The following RAB37 variants were observed in gnomAD, a reference collection of about 807,000 sequenced individuals.
RAB37 encodes ras-related protein Rab-37.
RAB37 carries 29 observed loss-of-function variants against 33.1 expected under a neutral mutation model. The ratio of observed to expected loss-of-function variants is 0.88; its 90% confidence interval spans 0.65 to 1.20. RAB37 has a LOEUF of 1.20. RAB37 is among the 50% of genes most tolerant of loss of function. RAB37 has a pLI of 0.00. For synonymous variants in RAB37, 128 were observed against 119.5 expected, an observed-to-expected ratio of 1.07 and a Z score of -0.47; for missense variants, 299 against 301.1, an observed-to-expected ratio of 0.99 and a Z score of 0.05.
chr17:74,688,562 A>G (rs1203194421), intron 1 of RAB37, among the ~76,000 whole-genome samples: 1 of 151,582 alleles, frequency 6.6e-6, no homozygotes, highest in Admixed American at 6.6e-5. Flanking sequence ...CAAAAAAAAA[A>G]AAAAGAAAAG....
chr17:74,740,860 C>G lies in RAB37; in HGVS notation c.186C>G (p.Thr62=), dbSNP rs146770958. The G allele has an allele frequency of 1.2e-6, 2 of 1,613,204 alleles. No homozygotes were observed. The highest frequency in any genetic ancestry group is 1.7e-6 in the Non-Finnish European group (2 of 1,179,218). The change falls in exon 2 of 9, where the codon ACC becomes ACG. Residue 62 remains threonine (T), a synonymous_variant. Transcript: ENST00000392613. Reference sequence around the variant, plus strand: ...TCCTGTCCGGAACCTTCATAGCCACCGTCGGCATAGACTTCAGGGTGAGGT... The same window carrying G: ...TCCTGTCCGGAACCTTCATAGCCACGGTCGGCATAGACTTCAGGGTGAGGT... The part of the protein sequence containing the change: ...GAFLSGTFIA[T]VGIDFRNKVV...
At chr17:74,736,536 A>G, upstream of RAB37, 3 of 1,456,830 alleles carry the variant, frequency 2.1e-6, no homozygotes, top group Non-Finnish European at 2.7e-6. Context: ...ATGGGTTAAT[A>G]AGGCCGGCCC....
At chr17:74,678,728 C>T (rs975254563) in intron 1 of RAB37, among the ~76,000 whole-genome samples, 5 of 152,128 alleles carry the variant, frequency 3.3e-5, no homozygotes, top group Admixed American at 2.0e-4. Context: ...TGCACACATA[C>T]GCACCCTTCC....
intron 1 of RAB37, chr17:74,696,081 A>C: frequency 2.2e-6 from 3 of 1,390,778 alleles, no homozygotes; most frequent in Non-Finnish European, 3.0e-6. Flanking sequence ...CCATGAGGAC[A>C]GGATACTTTG....
intron 1 of RAB37, among the ~76,000 whole-genome samples, chr17:74,678,936 C>T (rs2031897354): frequency 6.6e-6 from 1 of 152,148 alleles, no homozygotes; most frequent in Non-Finnish European, 1.5e-5. Flanking sequence ...CATGAGGAAA[C>T]TCTGTCTCTA....
rs1384866320 is a variant in RAB37 at position 74,746,450 on chromosome 17, C to T, written c.*1039C>T. 6.6e-6 allele frequency: 1 copy of T among 152,340 alleles called. No homozygotes were observed. Among genetic ancestry groups the T allele is most frequent in the African/African-American group, 2.4e-5 (1 of 41,438 alleles). The allele number at this position is 152,340 out of a possible 1,614,324, so 9.4% of individuals were successfully genotyped here. On this transcript the variant is annotated 3_prime_UTR_variant, in exon 9 of 9. Coordinates refer to ENST00000392613, the MANE Select transcript of RAB37 (RefSeq NM_001006638.3). This position sits in a 1 kb window ranked among gnomAD's most constrained non-coding sequence, Gnocchi z 5.2. ...TGTTGCCCAGGCTGGTCTTGAATTC[C>T]TGAGCTCAAGCAACCTGCCGGCCTC...
chr17:74,679,133 T>G (rs953765848), intron 1 of RAB37, among the ~76,000 whole-genome samples: 12 of 148,950 alleles, frequency 8.1e-5, no homozygotes, highest in Non-Finnish European at 1.5e-4. Context: ...AAAGGCAAAG[T>G]AAACATTTCT....
chr17:74,724,952 G>A (rs993568576), intron 1 of RAB37, among the ~76,000 whole-genome samples: 25 of 152,168 alleles, frequency 1.6e-4, no homozygotes, highest in Admixed American at 1.6e-3. Context: ...AATGGATTTA[G>A]GCAGCTCCAT....
At chr17:74,696,647 C>G (rs529080354) in intron 1 of RAB37, among the ~76,000 whole-genome samples, 1 of 152,356 alleles carries the variant, frequency 6.6e-6, no homozygotes, top group South Asian at 2.1e-4. Flanking sequence ...TCTAATCCCC[C>G]TCCCGGGCCC....
chr17:74,694,852 A>G, intron 1 of RAB37: 1 of 405,104 alleles, frequency 2.5e-6, no homozygotes, highest in Non-Finnish European at 4.4e-6. Context: ...TGAAAGCCCC[A>G]GAGCATATCC....
intron 1 of RAB37, among the ~76,000 whole-genome samples, chr17:74,724,192 TA>T (rs1479022261): frequency 6.6e-6 from 1 of 152,216 alleles, no homozygotes; most frequent in Non-Finnish European, 1.5e-5. Context: ...TTACACATTT[TA>T]GGGAGACATG....
At chr17:74,737,714 G>A (rs1567813943) in intron 1 of RAB37, among the ~76,000 whole-genome samples, 1 of 152,198 alleles carries the variant, frequency 6.6e-6, no homozygotes. Context: ...TGGGAGATGG[G>A]GACCGAACGG....
At chr17:74,733,526 G>T, upstream of RAB37, among the ~76,000 whole-genome samples, 1 of 19,074 alleles carries the variant, frequency 5.2e-5, no homozygotes, top group African/African-American at 1.8e-4. Context: ...GGTGTGTGGT[G>T]TGATTTGAGG....
chr17:74,688,897 A>G (rs533443218), intron 1 of RAB37, among the ~76,000 whole-genome samples: 1 of 152,332 alleles, frequency 6.6e-6, no homozygotes, highest in South Asian at 2.1e-4. Flanking sequence ...AGGAAAGGCA[A>G]TGGGCCCCAC....
intron 1 of RAB37, among the ~76,000 whole-genome samples, chr17:74,699,632 C>G (rs2032852942): frequency 6.6e-6 from 1 of 152,142 alleles, no homozygotes; most frequent in African/African-American, 2.4e-5. Context: ...ATGAGACAGA[C>G]TCTCCCTTTG....
chr17:74,692,018 A>T (rs1260245058), intron 1 of RAB37, among the ~76,000 whole-genome samples: 1 of 151,958 alleles, frequency 6.6e-6, no homozygotes. Context: ...GGCACCCGCC[A>T]CCACACCCAG....
upstream of RAB37, among the ~76,000 whole-genome samples, chr17:74,734,374 C>T (rs928944858): frequency 2.0e-5 from 3 of 152,356 alleles, no homozygotes; most frequent in African/African-American, 7.2e-5. Flanking sequence ...GTGATATCTG[C>T]AATGACCACA....
chr17:74,711,906 C>CT lies in RAB37; in HGVS notation c.73-17334dup, dbSNP rs71361629. On this transcript the variant is annotated intron_variant, in intron 1 of 7. Transcript: ENST00000340415. ...TCTTTTTTTTTCTTTTTTCTTTTTT[C>CT]TTTTTTTTTTTTTTTTGAAACAGAG... Among the ~76,000 whole-genome samples, 783 of 123,628 alleles carry CT rather than the reference C, an allele frequency of 6.3e-3. 1 individual carries two copies. Among genetic ancestry groups the CT allele is most frequent in the African/African-American group, 9.4e-3 (311 of 33,162 alleles). The allele number at this position is 123,628 out of a possible 152,430, so 81.1% of individuals were successfully genotyped here. A position where few individuals can be genotyped will look rare whatever the true frequency, so the allele number is the denominator to read the frequency against.
At chr17:74,741,204 GCTCTC>G (rs1036107117) in intron 2 of RAB37, among the ~76,000 whole-genome samples, 30 of 152,126 alleles carry the variant, frequency 2.0e-4, no homozygotes, top group African/African-American at 7.2e-4. Flanking sequence ...CCTGCTCATT[GCTCTC>G]CTACCTGGGC....
Sources: allele counts gnomAD v4.1 joint callset (sites outside exome capture counted in the v4.1 genomes callset), GRCh38; gene constraint gnomAD v4.1.1; non-coding constraint Gnocchi (gnomAD v3.1); transcripts MANE v1.5; gene names NCBI Gene and HGNC (gene_info 2026-07-23, HGNC 2026-07-21).